IL1RAPL1: variants seen among roughly 807,000 people sequenced by gnomAD.
IL1RAPL1 encodes interleukin-1 receptor accessory protein-like 1.
In IL1RAPL1, 3 loss-of-function variants were observed where a neutral mutation model predicts 48.4. The ratio of observed to expected loss-of-function variants is 0.06; its 90% CI spans 0.03 to 0.16. The LOEUF (loss-of-function observed/expected upper bound fraction) is 0.16. IL1RAPL1 is among the 10% of genes least tolerant of loss of function. The probability of loss-of-function intolerance (pLI) is 1.00; values close to 1 mark genes in which losing one functional copy is unlikely to be tolerated. For synonymous variants in IL1RAPL1, 185 were observed against 187.7 expected, an observed-to-expected ratio of 0.99 and a Z score of 0.12; for missense variants, 349 against 530.6, an observed-to-expected ratio of 0.66 and a Z score of 3.36.
At chrX:29,485,897 G>C (rs1252125016) in intron 5 of IL1RAPL1, among the ~76,000 whole-genome samples, 1 of 111,056 alleles carries the variant, frequency 9.0e-6, no homozygotes, top group Non-Finnish European at 1.9e-5. Context: ...CCCCAAATCT[G>C]CTCAACAAGA....
At chrX:29,880,327 C>A (rs149279694) in intron 6 of IL1RAPL1, among the ~76,000 whole-genome samples, 1,204 of 111,864 alleles carry the variant, frequency 0.011, 12 homozygotes, top group African/African-American at 0.036. Context: ...ATGTCAGCAA[C>A]AGAAAATTAA....
In IL1RAPL1 at chrX:29,367,131, A is replaced by G. The variant is rs746580007; in HGVS notation, c.363-29127A>G. Reference sequence around the variant, plus strand: ...AATATAATCAAAGTTATTTTATATCATAATTATTTATTCTTCCCCTGCAAT... The same window carrying G: ...AATATAATCAAAGTTATTTTATATCGTAATTATTTATTCTTCCCCTGCAAT... On this transcript the variant is annotated intron_variant, in intron 3 of 10. Transcript: ENST00000378993. Among the ~76,000 whole-genome samples the G allele has an allele frequency of 9.0e-5, 10 of 111,720 alleles. No individual in the cohort carries two copies. In the South Asian group the frequency reaches 3.7e-3, roughly 42 times the overall value.
intron 3 of IL1RAPL1, among the ~76,000 whole-genome samples, chrX:29,365,018 G>A (rs1336538213): frequency 9.0e-6 from 1 of 111,608 alleles, no homozygotes; most frequent in Non-Finnish European, 1.9e-5. Flanking sequence ...AAAATAAAAA[G>A]GACTGAAAAA....
chrX:29,660,624 A>G (rs1925815759), intron 5 of IL1RAPL1, among the ~76,000 whole-genome samples: 1 of 111,912 alleles, frequency 8.9e-6, no homozygotes, highest in South Asian at 3.8e-4. Flanking sequence ...GTGCCTTTGT[A>G]AAAAATGAGT....
intron 1 of IL1RAPL1, among the ~76,000 whole-genome samples, chrX:28,747,042 A>G (rs1191074009): frequency 1.8e-5 from 2 of 110,470 alleles, no homozygotes; most frequent in Non-Finnish European, 3.8e-5. Context: ...CTGAGCCCTT[A>G]TCCTTAAATT....
chrX:29,937,046 C>CTTAAATGCAACTCTTTGGCACTTGTTCA (rs1933045788), intron 8 of IL1RAPL1, among the ~76,000 whole-genome samples: 2 of 111,674 alleles, frequency 1.8e-5, no homozygotes, highest in Admixed American at 1.9e-4. Flanking sequence ...CGCTGGGGCC[C>CTTAAATGCAACTCTTTGGCACTTGTTCA]TTAAATGCAA....
chrX:29,917,734 C>G lies in IL1RAPL1; in HGVS notation c.911+138C>G, dbSNP rs111626723. ...ACTACAATATTTAATGATAAAGAAG[C>G]AAAACACTGTTAACAGACTTACTAT... is the stretch of plus-strand genomic sequence containing the variant. On this transcript the variant is annotated intron_variant, in intron 7 of 10. Coordinates refer to ENST00000378993, the MANE Select transcript of IL1RAPL1 (RefSeq NM_014271.4). The G allele has an allele frequency of 6.1e-4, 297 of 486,747 alleles. 2 individuals are homozygous for G. The African/African-American group carries it at 6.3e-3, about 10-fold the overall frequency. 40.1% of individuals were successfully genotyped at this position (486,747 alleles called of 1,213,427 possible).
chrX:28,709,127 G>A (rs1381527720), intron 1 of IL1RAPL1, among the ~76,000 whole-genome samples: 2 of 112,289 alleles, frequency 1.8e-5, no homozygotes, highest in Non-Finnish European at 3.8e-5. Flanking sequence ...TGTCAGGCAT[G>A]TAATTATAAT....
At chrX:29,092,341 A>G (rs1461355930) in intron 2 of IL1RAPL1, among the ~76,000 whole-genome samples, 1 of 112,066 alleles carries the variant, frequency 8.9e-6, no homozygotes, top group African/African-American at 3.2e-5. Flanking sequence ...AGCAGAATTA[A>G]GTTATAAAAC....
In IL1RAPL1 at chrX:29,089,770, ATATATATATATATATATG is replaced by A. The variant is rs1218024156; in HGVS notation, c.83-193166_83-193149del. ...TATGAATATATATATATATATATAT[ATATATATATATATATATG>A]TGCATACACAGACACACATGTATAT... On this transcript the variant is annotated intron_variant, in intron 2 of 10. Transcript: ENST00000378993. Among the ~76,000 whole-genome samples, 15 of 79,647 alleles carry A rather than the reference ATATATATATATATATATG, an allele frequency of 1.9e-4. 1 individual carries two copies. The highest frequency in any genetic ancestry group is 3.1e-4 in the Non-Finnish European group (13 of 41,837). 69.2% of individuals were successfully genotyped at this position (79,647 alleles called of 115,157 possible).
intron 1 of IL1RAPL1, among the ~76,000 whole-genome samples, chrX:28,626,976 A>T (rs778112163): frequency 4.3e-4 from 48 of 112,051 alleles, no homozygotes; most frequent in African/African-American, 1.5e-3. Context: ...CTATTTTGTA[A>T]CTGATGCTAT....
chrX:29,679,460 T>C (rs1926383901), intron 6 of IL1RAPL1, among the ~76,000 whole-genome samples: 1 of 111,666 alleles, frequency 9.0e-6, no homozygotes, highest in African/African-American at 3.3e-5. Flanking sequence ...AGACTAGTTT[T>C]ATGCACTCTG....
intron 2 of IL1RAPL1, among the ~76,000 whole-genome samples, chrX:28,817,699 A>G (rs1936886449): frequency 9.0e-6 from 1 of 111,357 alleles, no homozygotes; most frequent in Non-Finnish European, 1.9e-5. Context: ...AAGTATTGTG[A>G]CTTTTGTCCC....
intron 2 of IL1RAPL1, among the ~76,000 whole-genome samples, chrX:29,247,254 A>T (rs981360270): frequency 8.9e-6 from 1 of 111,889 alleles, no homozygotes; most frequent in African/African-American, 3.2e-5. Context: ...TAGGGCTTAT[A>T]CAAAAGAGGT....
chrX:29,531,712 C>T (rs1472357875), intron 5 of IL1RAPL1, among the ~76,000 whole-genome samples: 3 of 112,118 alleles, frequency 2.7e-5, no homozygotes, highest in African/African-American at 9.7e-5. Context: ...CACAGCCATG[C>T]TCTCTCTTAA....
rs773573385 is a variant in IL1RAPL1, at chrX:29,705,683, G to A, written c.778+37179G>A. Among the ~76,000 whole-genome samples, 33 of 111,915 alleles carry A rather than the reference G, an allele frequency of 2.9e-4. 1 individual carries two copies. The highest frequency in any genetic ancestry group is 5.5e-4 in the African/African-American group (17 of 30,844). On this transcript the variant is annotated intron_variant, in intron 6 of 10. Coordinates refer to ENST00000378993, the MANE Select transcript of IL1RAPL1 (RefSeq NM_014271.4). ...AGCATACACTGAGACTCTGTTCTGCGGAAACCTGTCCATAACATCCCTTCC... is the reference window on the plus strand; with the variant it reads ...AGCATACACTGAGACTCTGTTCTGCAGAAACCTGTCCATAACATCCCTTCC...
At chrX:28,972,694 G>C (rs1328182326) in intron 2 of IL1RAPL1, among the ~76,000 whole-genome samples, 1 of 111,343 alleles carries the variant, frequency 9.0e-6, no homozygotes, top group Non-Finnish European at 1.9e-5. Flanking sequence ...AGCCGAGATC[G>C]TGCCACTGCC....
chrX:29,027,225 C>T (rs1459213862), intron 2 of IL1RAPL1, among the ~76,000 whole-genome samples: 2 of 112,362 alleles, frequency 1.8e-5, no homozygotes, highest in Non-Finnish European at 3.8e-5. Context: ...CTGGCAACCA[C>T]AAACCTTTTT....
At chrX:28,612,403 C>T (rs936848982) in intron 1 of IL1RAPL1, among the ~76,000 whole-genome samples, 4 of 111,710 alleles carry the variant, frequency 3.6e-5, no homozygotes, top group Middle Eastern at 4.7e-3. Flanking sequence ...CCGGGCGGGG[C>T]GTTTTAAATT....
Sources: gnomAD v4.1 joint callset for allele counts (sites outside exome capture counted in the v4.1 genomes callset) on GRCh38, gnomAD v4.1.1 for gene constraint, MANE v1.5 for transcripts, NCBI Gene and HGNC (gene_info 2026-07-23, HGNC 2026-07-21) for gene names.